Variants in CHPF observed in about 807,000 individuals in gnomAD.
The protein encoded by CHPF is chondroitin polymerizing factor.
Under a neutral mutation model 55.1 loss-of-function variants are expected in CHPF, and 34 were observed. The observed-to-expected ratio is 0.62, with a 90% confidence interval of 0.47 to 0.82. CHPF has a LOEUF of 0.82. Among genes scored for constraint, CHPF ranks in the 40% least tolerant of loss-of-function variants. The pLI is 0.00. For missense variants in CHPF, 961 were observed against 1,106.1 expected (o/e 0.87, Z 1.86); for synonymous variants, 489 against 496.6 (o/e 0.98, Z 0.20).
chr2:219,539,499 C>T lies in CHPF; in HGVS notation c.2212G>A (p.Ala738Thr), dbSNP rs148389410. 3.1e-5 allele frequency: 50 copies of T among 1,613,600 alleles called. No homozygotes were observed. The highest frequency in any genetic ancestry group is 4.0e-5 in the African/African-American group (3 of 74,950). The change falls in exon 4 of 4, where the codon GCG becomes ACG. Residue 738 changes from alanine to threonine, a missense_variant. Ala to Thr is a moderately conservative substitution (Grantham distance 58, BLOSUM62 0). Coordinates refer to ENST00000243776, the MANE Select transcript of CHPF (RefSeq NM_024536.6). ...TGGTACAGGTCCTCACTGAGCCTCG[C>T]GCTGCACGTCTGGGCCCGGTAGCGC... ...LQRYRAQTCS[A>T]RLSEDLYHRC...
In CHPF at chr2:219,540,929, C is replaced by T. The variant is rs542674072; in HGVS notation, c.1068+17G>A. ...TCCTGTCCCCGTCACTCTGCCACCC[C>T]CAGACCTAGACCATACCTGTAACTC... On this transcript the variant is annotated intron_variant, in intron 3 of 3. Coordinates refer to ENST00000243776, the MANE Select transcript of CHPF (RefSeq NM_024536.6). 3 of 1,609,370 alleles carry T rather than the reference C, an allele frequency of 1.9e-6. No individual in the cohort carries two copies. The highest frequency in any genetic ancestry group is 1.7e-4 in the Middle Eastern group (1 of 6,038).
rs764645746 is a variant in CHPF at position 219,543,282 on chromosome 2, G to A, written c.257C>T (p.Pro86Leu). The change falls in exon 1 of 4, where the codon CCG becomes CTG. Residue 86 changes from proline (P) to leucine (L), a missense_variant. Pro to Leu is a moderately conservative substitution (Grantham distance 98). Transcript: ENST00000243776. ...AGEGAGENWE[P>L]RVLPYHPAQP... The stretch of plus-strand genomic sequence containing the variant: ...TGCAGGGTGGTAGGGCAAGACGCGC[G>A]GCTCCCAATTCTCCCCGGCGCCTTC... 2 of 1,576,262 alleles carry A rather than the reference G, an allele frequency of 1.3e-6. No homozygotes were observed. Among genetic ancestry groups the A allele is most frequent in the Non-Finnish European group, 1.7e-6 (2 of 1,170,502 alleles).
In CHPF at chr2:219,540,354, G is replaced by A. The variant is rs1695242530; in HGVS notation, c.1357C>T (p.Arg453Ter). Reference sequence around the variant, plus strand: ...ATACCCCGGGCCGGATCAAAGCGTCGGTAGCCATTCACCAGCTGCTGCTTC... The same window carrying A: ...ATACCCCGGGCCGGATCAAAGCGTCAGTAGCCATTCACCAGCTGCTGCTTC... ...LQKQQLVNGY[R>*]RFDPARGMEY... Residue 453 changes from arginine to a stop codon, truncating the protein, a stop_gained, in exon 4 of 4, where the codon CGA becomes TGA. Transcript: ENST00000243776. LOFTEE classifies it high-confidence loss of function. 2 of 1,613,878 alleles carry A rather than the reference G, an allele frequency of 1.2e-6. No homozygotes were observed. The highest frequency in any genetic ancestry group is 1.3e-5 in the African/African-American group (1 of 74,942).
At position 219,539,091 on chromosome 2, in the gene CHPF, G is replaced by C. The variant is rs899445761; in HGVS notation, c.*292C>G. On this transcript the variant is annotated 3_prime_UTR_variant, in exon 4 of 4. Coordinates refer to ENST00000243776, the MANE Select transcript of CHPF (RefSeq NM_024536.6). ...CCAGCCCCCAGGGCCCAGAGGCAGG[G>C]CTGGCGTCAGGCAGACTGTACTGCA... 2.7e-6 allele frequency: 1 copy of C among 370,330 alleles called. No individual in the cohort carries two copies. The highest frequency in any genetic ancestry group is 2.1e-5 in the African/African-American group (1 of 48,618). The allele number at this position is 370,330 out of a possible 1,614,324, so 22.9% of individuals were successfully genotyped here.
intron 2 of CHPF, 186 bp downstream of exon 2, chr2:219,541,430 T>C (rs1695266839): frequency 5.2e-6 from 3 of 578,518 alleles, no homozygotes; most frequent in South Asian, 5.6e-5. Context: ...GCAATAATTA[T>C]TTCCATTGGC....
In CHPF at chr2:219,541,870, G is replaced by C. The variant is rs1405973317; in HGVS notation, c.634C>G (p.Leu212Val). ...GAGGCCAGGCTGAGGTGGCCAGTTA[G>C]GCGTGCCAGGCCGTGCGCCTCGGTG... is the stretch of plus-strand genomic sequence containing the variant. The part of the protein sequence containing the change: ...TYTEAHGLAR[L>V]TGHLSLASAA... The change falls in exon 2 of 4, where the codon CTA becomes GTA. Residue 212 changes from leucine (L) to valine (V), a missense_variant. Leu to Val is a conservative substitution (Grantham distance 32, BLOSUM62 1). This residue lies in a region of CHPF where 936 missense variants were observed against 1,058.4 expected (regional missense o/e 0.88). Coordinates refer to ENST00000243776, the MANE Select transcript of CHPF (RefSeq NM_024536.6). 1.2e-6 allele frequency: 2 copies of C among 1,612,704 alleles called. No individual in the cohort carries two copies. The highest frequency in any genetic ancestry group is 2.7e-5 in the African/African-American group (2 of 74,936).
Position 219,541,677 on chromosome 2 carries a change from T to G in CHPF, c.827A>C (p.Asp276Ala). ...GAGAATGCAGCGACCCAGCCACTCGTCAGGGCGCGCACTGACGATGTCGTT... is the reference window on the plus strand; with the variant it reads ...GAGAATGCAGCGACCCAGCCACTCGGCAGGGCGCGCACTGACGATGTCGTT... Reference protein sequence around the residue: ...CRNDIVSARPDEWLGRCILDA... With the variant: ...CRNDIVSARPAEWLGRCILDA... Residue 276 changes from aspartate (D) to alanine (A), a missense_variant, in exon 2 of 4, where the codon GAC (aspartate) becomes GCC (alanine). Coordinates refer to ENST00000243776, the MANE Select transcript of CHPF (RefSeq NM_024536.6). The G allele has an allele frequency of 6.2e-7, 1 of 1,608,666 alleles. No homozygotes were observed. Among genetic ancestry groups the G allele is most frequent in the Non-Finnish European group, 8.5e-7 (1 of 1,176,492 alleles).
At position 219,543,602 on chromosome 2, in the gene CHPF, G is replaced by A; in HGVS notation, c.-64C>T. Reference sequence around the variant, plus strand: ...CAGAGCAGCCAGAGGAGTCTCCGAGGGGGCGGGACCGGGGAGGGGGCGGAT... The same window carrying A: ...CAGAGCAGCCAGAGGAGTCTCCGAGAGGGCGGGACCGGGGAGGGGGCGGAT... On this transcript the variant is annotated 5_prime_UTR_variant, in exon 1 of 4. Transcript: ENST00000243776. 1 of 1,239,746 alleles carries A rather than the reference G, an allele frequency of 8.1e-7. No homozygotes were observed. The highest frequency in any genetic ancestry group is 1.0e-6 in the Non-Finnish European group (1 of 973,850). 76.8% of individuals were successfully genotyped at this position (1,239,746 alleles called of 1,614,324 possible). A position where few individuals can be genotyped will look rare whatever the true frequency, so the allele number is the denominator to read the frequency against.
rs1279236022 is a variant in CHPF, at chr2:219,539,806, G to A, written c.1905C>T (p.Gly635=). 1.2e-6 allele frequency: 2 copies of A among 1,613,452 alleles called. No individual in the cohort carries two copies. Among genetic ancestry groups the A allele is most frequent in the African/African-American group, 2.7e-5 (2 of 74,952 alleles). Residue 635 remains glycine (G), a synonymous_variant, in exon 4 of 4, where the codon GGC becomes GGT. Coordinates refer to ENST00000243776, the MANE Select transcript of CHPF (RefSeq NM_024536.6). ...AATGCATGGGAAAGAAGGCCTGCCA[G>A]CCGGAGATGGCATGCATGCGGCAGC... ...LNRCRMHAIS[G]WQAFFPMHFQ...
At position 219,538,997 on chromosome 2, in the gene CHPF, G is replaced by A. The variant is rs988185832; in HGVS notation, c.*386C>T. ...ATTAAAGGCAGGGAGCTTCGGCAGGGTCCAAAAGGGAGAAGTTGGGAGATG... is the reference window on the plus strand; with the variant it reads ...ATTAAAGGCAGGGAGCTTCGGCAGGATCCAAAAGGGAGAAGTTGGGAGATG... On this transcript the variant is annotated 3_prime_UTR_variant, in exon 4 of 4. Transcript: ENST00000243776. The A allele has an allele frequency of 5.0e-6, 1 of 199,704 alleles. No individual in the cohort carries two copies. The highest frequency in any genetic ancestry group is 1.2e-4 in the East Asian group (1 of 8,136). The allele number at this position is 199,704 out of a possible 1,614,324, so 12.4% of individuals were successfully genotyped here.
At chr2:219,542,804 C>T in intron 1 of CHPF, 1 of 559,484 alleles carries the variant, frequency 1.8e-6, no homozygotes, top group Non-Finnish European at 2.3e-6. Flanking sequence ...AGGTACATTC[C>T]TCCCTCCCCC....
chr2:219,541,925 G>A lies in CHPF; in HGVS notation c.579C>T (p.Asp193=). ...TGGTGTCAGGCACCAGGAAGAACCA[G>A]TCAAAGTCGTCGCCGTGCTGCTCCA... ...HLLEQHGDDF[D]WFFLVPDTTY... The change falls in exon 2 of 4, where the codon GAC becomes GAT. Residue 193 remains aspartate (D), a synonymous_variant. Transcript: ENST00000243776. 6.2e-7 allele frequency: 1 copy of A among 1,613,588 alleles called. No individual in the cohort carries two copies. Among genetic ancestry groups the A allele is most frequent in the Non-Finnish European group, 8.5e-7 (1 of 1,179,832 alleles).
Position 219,539,602 on chromosome 2 carries a change from C to A in CHPF, c.2109G>T (p.Glu703Asp). 1 of 1,613,940 alleles carries A rather than the reference C, an allele frequency of 6.2e-7. No individual in the cohort carries two copies. Among genetic ancestry groups the A allele is most frequent in the Non-Finnish European group, 8.5e-7 (1 of 1,179,968 alleles). Residue 703 changes from glutamate (E) to aspartate (D), a missense_variant, in exon 4 of 4, where the codon GAG (glutamate) becomes GAT (aspartate). By Grantham distance (45) the Glu-to-Asp change is conservative (BLOSUM62 2). Around this residue, in one of 3 missense-constraint regions of CHPF, gnomAD observed 936 missense variants for 1,058.4 expected, o/e 0.88. Transcript: ENST00000243776. ...AASEQEEELLESLDVYELFLH... is the reference protein window; with the variant it reads ...AASEQEEELLDSLDVYELFLH... ...GGAACAGCTCGTACACATCCAGGCT[C>A]TCCAGCAGCTCCTCTTCTTGTTCTG...
chr2:219,543,084 G>C, intron 1 of CHPF, 141 bp downstream of exon 1: 1 of 1,362,730 alleles, frequency 7.3e-7, no homozygotes, highest in Non-Finnish European at 9.4e-7. Flanking sequence ...GGGAAGGCAG[G>C]GCCATCGGAA....
At position 219,543,246 on chromosome 2, in the gene CHPF, TG is replaced by T; in HGVS notation, c.292del (p.Gln98ArgfsTer27). On this transcript the variant is annotated frameshift_variant, in exon 1 of 4. Coordinates refer to ENST00000243776, the MANE Select transcript of CHPF (RefSeq NM_024536.6). LOFTEE classifies it high-confidence loss of function. ...VLPYHPAQPG[Q>X]AAKKAVRTRY... ...CTACCTGACGGCCTTTTTGGCGGCC[TG>T]GCCGGGCTGTGCAGGGTGGTAGGGC... The T allele has an allele frequency of 6.4e-7, 1 of 1,559,082 alleles. No homozygotes were observed. The highest frequency in any genetic ancestry group is 8.6e-7 in the Non-Finnish European group (1 of 1,162,726).
rs745409822 is a variant in CHPF, at chr2:219,541,872, C to A, written c.632G>T (p.Arg211Leu). The change falls in exon 2 of 4, where the codon CGC becomes CTC. Residue 211 changes from arginine (R) to leucine (L), a missense_variant. Transcript: ENST00000243776. Reference protein sequence around the residue: ...TTYTEAHGLARLTGHLSLASA... With the variant: ...TTYTEAHGLALLTGHLSLASA... ...GGCCAGGCTGAGGTGGCCAGTTAGGCGTGCCAGGCCGTGCGCCTCGGTGTA... is the reference window on the plus strand; with the variant it reads ...GGCCAGGCTGAGGTGGCCAGTTAGGAGTGCCAGGCCGTGCGCCTCGGTGTA... 1.9e-6 allele frequency: 3 copies of A among 1,612,650 alleles called. No homozygotes were observed. Among genetic ancestry groups the A allele is most frequent in the Non-Finnish European group, 2.5e-6 (3 of 1,179,568 alleles).
In CHPF at chr2:219,540,136, G is replaced by A. The variant is rs1339141657; in HGVS notation, c.1575C>T (p.Phe525=). ...GTGCTGCAGTGGCAAAGGCCTCCAA[G>A]AAGCCAGGGGCCAGGTCACGCTCAG... The part of the protein sequence containing the change: ...AAAERDLAPG[F]LEAFATAALE... Residue 525 remains phenylalanine, a synonymous_variant, in exon 4 of 4, where the codon TTC becomes TTT. Coordinates refer to ENST00000243776, the MANE Select transcript of CHPF (RefSeq NM_024536.6). 9.4e-6 allele frequency: 15 copies of A among 1,600,662 alleles called. No homozygotes were observed. The highest frequency in any genetic ancestry group is 1.2e-5 in the Non-Finnish European group (14 of 1,174,096).
chr2:219,539,107 CTG>C lies in CHPF; in HGVS notation c.*274_*275del, dbSNP rs1346896907. ...AGAGGCAGGGCTGGCGTCAGGCAGA[CTG>C]TACTGCATAAATACGTGGAGGCCAC... On this transcript the variant is annotated 3_prime_UTR_variant, in exon 4 of 4. Coordinates refer to ENST00000243776, the MANE Select transcript of CHPF (RefSeq NM_024536.6). 6.9e-6 allele frequency: 3 copies of C among 436,554 alleles called. No homozygotes were observed. The highest frequency in any genetic ancestry group is 1.2e-5 in the Non-Finnish European group (3 of 245,104). 27.0% of individuals were successfully genotyped at this position (436,554 alleles called of 1,614,324 possible). A position where few individuals can be genotyped will look rare whatever the true frequency, so the allele number is the denominator to read the frequency against.
intron 1 of CHPF, 152 bp downstream of exon 1, chr2:219,543,073 C>T: frequency 1.5e-6 from 2 of 1,361,566 alleles, no homozygotes; most frequent in Non-Finnish European, 1.9e-6. Context: ...CCACGGCTCT[C>T]GGGAAGGCAG....
Sources: allele counts gnomAD v4.1 joint callset, GRCh38; gene constraint gnomAD v4.1.1; regional missense constraint gnomAD v4.1.1; transcripts MANE v1.5; gene names NCBI Gene and HGNC (gene_info 2026-07-23, HGNC 2026-07-21).